TLE3: variants seen among roughly 807,000 people sequenced by gnomAD.
The protein encoded by TLE3 is transducin-like enhancer protein 3.
Under a neutral mutation model 93.0 loss-of-function variants are expected in TLE3, and 14 were observed. The observed-to-expected ratio is 0.15, with a 90% CI of 0.10 to 0.24. The LOEUF (loss-of-function observed/expected upper bound fraction) is 0.24. Among genes scored for constraint, TLE3 ranks in the 10% least tolerant of loss-of-function variants. The pLI is 1.00. For synonymous variants in TLE3, 451 were observed against 425.0 expected (o/e 1.06, Z -0.75); for missense variants, 693 against 1,046.6 (o/e 0.66, Z 4.66).
At chr15:70,093,080 T>C (rs911528805) in intron 4 of TLE3, among the ~76,000 whole-genome samples, 1 of 152,216 alleles carries the variant, frequency 6.6e-6, no homozygotes, top group Non-Finnish European at 1.5e-5. Flanking sequence ...CCCCTTCCAG[T>C]TGCAGAACCT....
intron 6 of TLE3, among the ~76,000 whole-genome samples, chr15:70,067,856 G>A (rs1023353966): frequency 2.0e-5 from 3 of 152,346 alleles, no homozygotes; most frequent in Middle Eastern, 3.4e-3. Context: ...CACTGCGGCC[G>A]TTGTTCAAAG....
chr15:70,062,683 C>CT lies in TLE3; in HGVS notation c.594+1770dup, dbSNP rs1466507814. 9.2e-5 allele frequency among the ~76,000 whole-genome samples: 14 copies of CT among 152,216 alleles called. No individual in the cohort carries two copies. The East Asian group carries it at 1.2e-3, about 13-fold the overall frequency. ...CCGTCCCCCCATCCCCCCTCCCACT[C>CT]TGACACAGCCCTGTCCTTCCTGCCG... On this transcript the variant is annotated intron_variant, in intron 8 of 19. Transcript: ENST00000451782.
Position 70,066,002 on chromosome 15 carries a change from G to GGCCCCC in TLE3, c.577+11_577+12insGGGGGC. Reference sequence around the variant, plus strand: ...CTGCCCCGCCCCACCCTCTGCCCCAGCCCAGCCGCACCTCTGTGATCGAGT... The same window carrying GGCCCCC: ...CTGCCCCGCCCCACCCTCTGCCCCAGGCCCCCCCCAGCCGCACCTCTGTGATCGAGT... On this transcript the variant is annotated intron_variant, in intron 7 of 19. Coordinates refer to ENST00000451782, the MANE Select transcript of TLE3 (RefSeq NM_001105192.3). 4 of 765,996 alleles carry GGCCCCC rather than the reference G, an allele frequency of 5.2e-6. No homozygotes were observed. Among genetic ancestry groups the GGCCCCC allele is most frequent in the Non-Finnish European group, 6.4e-6 (3 of 465,996 alleles). 47.4% of individuals were successfully genotyped at this position (765,996 alleles called of 1,614,324 possible).
At chr15:70,090,227 C>G (rs972502499) in intron 4 of TLE3, among the ~76,000 whole-genome samples, 1 of 147,976 alleles carries the variant, frequency 6.8e-6, no homozygotes, top group Non-Finnish European at 1.5e-5. Context: ...TGAGAGGACT[C>G]GTGATTACAG....
intron 9 of TLE3, among the ~76,000 whole-genome samples, chr15:70,059,717 G>A (rs773085662): frequency 2.6e-5 from 4 of 152,080 alleles, no homozygotes; most frequent in African/African-American, 4.8e-5. Flanking sequence ...ACTGACACCC[G>A]CTCCATCATA....
chr15:70,065,987 C>CCCACCA, intron 7 of TLE3, 27 bp downstream of exon 7: 2 of 1,576,000 alleles, frequency 1.3e-6, no homozygotes, highest in Non-Finnish European at 1.7e-6. Context: ...CTGCCCCGCC[C>CCCACCA]CACCCTCTGC....
chr15:70,076,806 G>A (rs1276255863), intron 4 of TLE3, among the ~76,000 whole-genome samples: 6 of 151,890 alleles, frequency 4.0e-5, no homozygotes, highest in African/African-American at 1.2e-4. Flanking sequence ...CTGCAGCCTC[G>A]ACTTCCTGGG....
intron 6 of TLE3, among the ~76,000 whole-genome samples, chr15:70,073,450 GA>G (rs944518091): frequency 2.0e-5 from 3 of 152,208 alleles, no homozygotes; most frequent in Non-Finnish European, 4.4e-5. Flanking sequence ...CACGAGAACA[GA>G]AAGAGGAAAG....
In TLE3 at chr15:70,088,546, A is replaced by G. The variant is rs114458038; in HGVS notation, c.234+5986T>C. On this transcript the variant is annotated intron_variant, in intron 4 of 19. Transcript: ENST00000451782. ...AAAACAAGATATTGTCCCTTTAAGC[A>G]TATAAAAACAAGGCCCTTGAGCACG... is the stretch of plus-strand genomic sequence containing the variant. Among the ~76,000 whole-genome samples, 784 of 152,348 alleles carry G rather than the reference A, an allele frequency of 5.1e-3. 10 individuals are homozygous for G. The highest frequency in any genetic ancestry group is 0.018 in the African/African-American group (761 of 41,578).
At chr15:70,068,263 T>C (rs2056941802) in intron 6 of TLE3, among the ~76,000 whole-genome samples, 1 of 152,242 alleles carries the variant, frequency 6.6e-6, no homozygotes, top group South Asian at 2.1e-4. Context: ...AATCTACACA[T>C]TTCAAATGTA....
At chr15:70,060,737 G>C (rs371499476) in intron 8 of TLE3, 88 bp from the exon 9 acceptor site, 7 of 1,565,808 alleles carry the variant, frequency 4.5e-6, no homozygotes, top group Non-Finnish European at 6.0e-6. Context: ...CAGGTGACAC[G>C]GAGGTCAGGG....
intron 15 of TLE3, 182 bp from the exon 16 acceptor site, chr15:70,054,867 G>A (rs747532681): frequency 1.1e-5 from 13 of 1,217,788 alleles, no homozygotes; most frequent in Non-Finnish European, 1.4e-5. Context: ...ATGAATACCA[G>A]GAGGTCAGAA....
intron 10 of TLE3, among the ~76,000 whole-genome samples, chr15:70,059,119 G>T (rs1008861594): frequency 6.6e-6 from 1 of 152,126 alleles, no homozygotes; most frequent in Non-Finnish European, 1.5e-5. Context: ...TGAGACCCTG[G>T]GGGGACGGAG....
At chr15:70,096,449 G>A in intron 1 of TLE3, 188 bp from the exon 2 acceptor site, 1 of 1,203,682 alleles carries the variant, frequency 8.3e-7, no homozygotes, top group Non-Finnish European at 1.1e-6. Context: ...TCGGCAGCGG[G>A]GCTCCCATGC....
Position 70,058,116 on chromosome 15 carries a change from C to T in TLE3, c.1051+43G>A. 6.2e-7 allele frequency: 1 copy of T among 1,613,518 alleles called. No individual in the cohort carries two copies. Among genetic ancestry groups the T allele is most frequent in the Non-Finnish European group, 8.5e-7 (1 of 1,179,670 alleles). On this transcript the variant is annotated intron_variant, in intron 12 of 19. Transcript: ENST00000451782. This position sits in a 1 kb window ranked among gnomAD's most constrained non-coding sequence, Gnocchi z 4.1. ...CCCTGGCCAAGAGCAGACCCCCTCC[C>T]CCCAATCAGATTAACCCAGCCCATG...
Position 70,053,272 on chromosome 15 carries a change from G to A in TLE3, c.1929C>T (p.Asp643=), listed in dbSNP as rs35074442. 8.0e-4 allele frequency: 1,288 copies of A among 1,609,310 alleles called. 4 individuals carry two copies. In the African/African-American group the frequency reaches 0.015, roughly 19 times the overall value. ...GGLDNTVRSW[D]LREGRQLQQH... is the part of the protein sequence containing the mutation. ...GCTGTAGCTGTCGGCCCTCCCGCAG[G>A]TCCCAGGAGCGCACCGTGTTGTCCA... The change falls in exon 17 of 20, where the codon GAC becomes GAT. Residue 643 remains aspartate, a synonymous_variant. Transcript: ENST00000451782.
intron 9 of TLE3, among the ~76,000 whole-genome samples, chr15:70,059,862 T>C (rs984831050): frequency 1.3e-5 from 2 of 152,236 alleles, no homozygotes; most frequent in African/African-American, 4.8e-5. Flanking sequence ...CCCACCCATC[T>C]GTGTGGGATA....
At position 70,048,770 on chromosome 15, in the gene TLE3, T is replaced by A. The variant is rs2055274010; in HGVS notation, c.*1327A>T. 6.6e-6 allele frequency: 1 copy of A among 152,140 alleles called. No individual in the cohort carries two copies. Among genetic ancestry groups the A allele is most frequent in the Non-Finnish European group, 1.5e-5 (1 of 68,056 alleles). 9.4% of individuals were successfully genotyped at this position (152,140 alleles called of 1,614,324 possible). On this transcript the variant is annotated 3_prime_UTR_variant, in exon 20 of 20. Coordinates refer to ENST00000451782, the MANE Select transcript of TLE3 (RefSeq NM_001105192.3). ...CTAACCTGTTTGGGCCACAAGAGAC[T>A]GCAATCTGCAAGAAATATCCACAGT...
chr15:70,055,956 C>T, intron 14 of TLE3: 1 of 417,462 alleles, frequency 2.4e-6, no homozygotes. Flanking sequence ...TGGGGCCTTC[C>T]CAGCAGGTCG....
Sources: allele counts gnomAD v4.1 joint callset (sites outside exome capture counted in the v4.1 genomes callset), GRCh38; gene constraint gnomAD v4.1.1; non-coding constraint Gnocchi (gnomAD v3.1); transcripts MANE v1.5; gene names NCBI Gene and HGNC (gene_info 2026-07-23, HGNC 2026-07-21).